ATP10B: variants seen among roughly 807,000 people sequenced by gnomAD.
ATP10B encodes ATPase phospholipid transporting 10B (putative).
A neutral mutation model predicts 141.2 loss-of-function variants in ATP10B; 122 were observed. The ratio of observed to expected loss-of-function variants is 0.86; its 90% confidence interval spans 0.75 to 1.00. The LOEUF is 1.00. Ranked by LOEUF, ATP10B falls within the 50% of genes least tolerant of loss-of-function variation. ATP10B has a pLI of 0.00. For synonymous variants in ATP10B, 685 were observed against 692.0 expected (o/e 0.99, Z 0.16); for missense variants, 1,876 against 1,825.3 (o/e 1.03, Z -0.51).
At position 160,689,417 on chromosome 5, in the gene ATP10B, G is replaced by A. The variant is rs11953685; in HGVS notation, c.-204-474C>T. Reference sequence around the variant, plus strand: ...GAAAGAAATAAAGGTATTCGAATAGGAAGAGAGAGAGTCAAATGGTCTATG... The same window carrying A: ...GAAAGAAATAAAGGTATTCGAATAGAAAGAGAGAGAGTCAAATGGTCTATG... On this transcript the variant is annotated intron_variant, in intron 3 of 25. Transcript: ENST00000327245. 4.6e-3 allele frequency among the ~76,000 whole-genome samples: 699 copies of A among 152,266 alleles called. 6 individuals are homozygous for A. The highest frequency in any genetic ancestry group is 0.015 in the African/African-American group (637 of 41,552).
At chr5:160,817,549 A>G (rs935841901) in intron 1 of ATP10B, among the ~76,000 whole-genome samples, 1 of 152,216 alleles carries the variant, frequency 6.6e-6, no homozygotes, top group Non-Finnish European at 1.5e-5. Context: ...GGAAGAATCA[A>G]TATCATGTAA....
intron 1 of ATP10B, among the ~76,000 whole-genome samples, chr5:160,816,868 A>C (rs1383106519): frequency 6.6e-6 from 1 of 152,240 alleles, no homozygotes; most frequent in Non-Finnish European, 1.5e-5. Flanking sequence ...CAATAAATGT[A>C]ATCCAGCATA....
At chr5:160,875,927 T>A in the ATP10B span, among the ~76,000 whole-genome samples, 1 of 46,612 alleles carries the variant, frequency 2.1e-5, no homozygotes, top group African/African-American at 4.8e-5. Context: ...CTCCCACACA[T>A]TAATAATGGG....
intron 2 of ATP10B, among the ~76,000 whole-genome samples, chr5:160,750,211 G>T (rs140327495): frequency 9.2e-5 from 14 of 152,232 alleles, no homozygotes; most frequent in African/African-American, 3.4e-4. Context: ...AGCTAAACAT[G>T]TCATCTTCTC....
At chr5:160,808,749 C>T (rs1461145686) in intron 1 of ATP10B, among the ~76,000 whole-genome samples, 4 of 152,162 alleles carry the variant, frequency 2.6e-5, no homozygotes, top group Non-Finnish European at 5.9e-5. Flanking sequence ...AATACACTGC[C>T]TCATTTCTTA....
In ATP10B at chr5:160,632,125, T is replaced by C; in HGVS notation, c.1620+4A>G. 6.2e-7 allele frequency: 1 copy of C among 1,609,126 alleles called. No individual in the cohort carries two copies. Among genetic ancestry groups the C allele is most frequent in the East Asian group, 2.2e-5 (1 of 44,754 alleles). On this transcript the variant is annotated splice_donor_region_variant and intron_variant, in intron 13 of 25. Coordinates refer to ENST00000327245, the MANE Select transcript of ATP10B (RefSeq NM_025153.3). ...ACAGTTCAAAGGCAAAAGTCAGGAC[T>C]TACTATGGAGCTGCTGAAGGCCACA... is the stretch of plus-strand genomic sequence containing the variant.
Position 160,622,632 on chromosome 5 carries a change from C to T in ATP10B, c.1621-47G>A. On this transcript the variant is annotated intron_variant, in intron 13 of 25. Transcript: ENST00000327245. ...GAGAGTCTTTTCTGGGAAGGAAGCC[C>T]ACTCCAGAAGAATCTTCACATGCCT... 2.6e-6 allele frequency: 4 copies of T among 1,538,620 alleles called. No individual in the cohort carries two copies. In the Admixed American group the frequency reaches 7.3e-5, roughly 28 times the overall value.
the ATP10B span, among the ~76,000 whole-genome samples, chr5:160,900,208 C>G: frequency 6.6e-6 from 1 of 152,162 alleles, no homozygotes; most frequent in Non-Finnish European, 1.5e-5. Flanking sequence ...GACAAGACAT[C>G]CCTACCCCTT....
At chr5:160,905,093 A>T in the ATP10B span, among the ~76,000 whole-genome samples, 1 of 152,238 alleles carries the variant, frequency 6.6e-6, no homozygotes, top group East Asian at 1.9e-4. Context: ...CCAAGCCCTT[A>T]CAACAACTCT....
chr5:160,800,486 A>G (rs189355990), intron 1 of ATP10B, among the ~76,000 whole-genome samples: 36 of 152,348 alleles, frequency 2.4e-4, no homozygotes, highest in Middle Eastern at 3.4e-3. Flanking sequence ...TTTGTTAAAC[A>G]GCTAAAGTGT....
chr5:160,871,340 A>G, the ATP10B span, among the ~76,000 whole-genome samples: 1 of 152,048 alleles, frequency 6.6e-6, no homozygotes, highest in Admixed American at 6.6e-5. Context: ...GTTATAATGT[A>G]CTCACATTAC....
the ATP10B span, among the ~76,000 whole-genome samples, chr5:160,927,787 A>G: frequency 6.6e-6 from 1 of 152,252 alleles, no homozygotes; most frequent in Non-Finnish European, 1.5e-5. Context: ...GTTAAAAAAT[A>G]AATGGGAAGA....
intron 1 of ATP10B, among the ~76,000 whole-genome samples, chr5:160,825,268 T>C (rs1774498436): frequency 6.6e-6 from 1 of 152,186 alleles, no homozygotes; most frequent in Non-Finnish European, 1.5e-5. Context: ...CCAAATCTCA[T>C]CTTGAATTGT....
intron 1 of ATP10B, among the ~76,000 whole-genome samples, chr5:160,837,091 A>T (rs1210670340): frequency 1.3e-5 from 2 of 152,122 alleles, no homozygotes; most frequent in East Asian, 3.8e-4. Context: ...CTTCCACCTC[A>T]TCAGTCAGTC....
chr5:160,843,222 A>G (rs1175767643), intron 1 of ATP10B, among the ~76,000 whole-genome samples: 1 of 152,114 alleles, frequency 6.6e-6, no homozygotes, highest in Non-Finnish European at 1.5e-5. Flanking sequence ...AAGTCATATA[A>G]TCACTTCAAT....
chr5:160,610,856 T>C (rs1467250320), intron 18 of ATP10B, among the ~76,000 whole-genome samples: 1 of 152,212 alleles, frequency 6.6e-6, no homozygotes, highest in Admixed American at 6.5e-5. Flanking sequence ...TTAGTAATTC[T>C]CTCATCTTCC....
At chr5:160,673,308 T>C (rs1191987870) in intron 6 of ATP10B, among the ~76,000 whole-genome samples, 1 of 152,210 alleles carries the variant, frequency 6.6e-6, no homozygotes, top group African/African-American at 2.4e-5. Context: ...GCATAGTAGG[T>C]ATATATATTT....
chr5:160,805,860 G>A (rs1772734173), intron 1 of ATP10B, among the ~76,000 whole-genome samples: 1 of 152,132 alleles, frequency 6.6e-6, no homozygotes, highest in South Asian at 2.1e-4. Context: ...TTACTATAAG[G>A]AATCGGCTCA....
chr5:160,747,483 C>G (rs1767882629), intron 2 of ATP10B, among the ~76,000 whole-genome samples: 1 of 152,166 alleles, frequency 6.6e-6, no homozygotes, highest in Non-Finnish European at 1.5e-5. Flanking sequence ...TGATGTCTTA[C>G]TGGATTAGGT....
Sources: gnomAD v4.1 joint callset for allele counts (sites outside exome capture counted in the v4.1 genomes callset) on GRCh38, gnomAD v4.1.1 for gene constraint, MANE v1.5 for transcripts, NCBI Gene and HGNC (gene_info 2026-07-23, HGNC 2026-07-21) for gene names.